Variants in ARFGEF3 observed in about 807,000 individuals in gnomAD.
ARFGEF3 encodes the protein brefeldin A-inhibited guanine nucleotide-exchange protein 3.
Under a neutral mutation model 221.7 loss-of-function variants are expected in ARFGEF3, and 96 were observed. The ratio of observed to expected loss-of-function variants is 0.43; its 90% CI spans 0.37 to 0.51. ARFGEF3 has a LOEUF of 0.51. ARFGEF3 is among the 20% of genes least tolerant of loss of function. The probability of loss-of-function intolerance (pLI) is 0.00; values close to 1 mark genes in which losing one functional copy is unlikely to be tolerated. For synonymous variants in ARFGEF3, 1,145 were observed against 1,126.8 expected, an observed-to-expected ratio of 1.02 and a Z score of -0.32; for missense variants, 2,410 against 2,789.9, an observed-to-expected ratio of 0.86 and a Z score of 3.07.
chr6:138,303,260 A>G (rs1035870890), intron 22 of ARFGEF3, among the ~76,000 whole-genome samples: 4 of 152,148 alleles, frequency 2.6e-5, no homozygotes, highest in South Asian at 2.1e-4. Context: ...AAAAATAAAC[A>G]TGAATGAAAG....
intron 5 of ARFGEF3, among the ~76,000 whole-genome samples, chr6:138,233,855 G>A (rs1778237713): frequency 6.6e-6 from 1 of 152,136 alleles, no homozygotes; most frequent in Admixed American, 6.5e-5. Flanking sequence ...ACTGGGAGGA[G>A]TAACCCCACC....
intron 2 of ARFGEF3, among the ~76,000 whole-genome samples, chr6:138,193,255 C>T (rs1251248921): frequency 1.3e-5 from 2 of 152,194 alleles, no homozygotes; most frequent in Non-Finnish European, 2.9e-5. Flanking sequence ...GACCAAGTTC[C>T]ATTGTCTCCT....
At chr6:138,319,343 C>T (rs1779982351) in intron 27 of ARFGEF3, among the ~76,000 whole-genome samples, 1 of 151,148 alleles carries the variant, frequency 6.6e-6, no homozygotes, top group African/African-American at 2.4e-5. Flanking sequence ...AAAATATTTC[C>T]CCATGTAGTT....
intron 15 of ARFGEF3, among the ~76,000 whole-genome samples, chr6:138,286,428 T>C (rs1393249474): frequency 2.2e-5 from 3 of 137,056 alleles, no homozygotes; most frequent in Non-Finnish European, 4.6e-5. Context: ...CCAGCCTGGG[T>C]GACAGAACGA....
At chr6:138,211,644 A>G (rs1369822286) in intron 4 of ARFGEF3, among the ~76,000 whole-genome samples, 1 of 152,228 alleles carries the variant, frequency 6.6e-6, no homozygotes, top group Non-Finnish European at 1.5e-5. Flanking sequence ...GTCAGATTAC[A>G]TATTATTCTG....
At chr6:138,322,256 T>C (rs1179918289) in intron 29 of ARFGEF3, among the ~76,000 whole-genome samples, 2 of 152,136 alleles carry the variant, frequency 1.3e-5, no homozygotes, top group African/African-American at 4.8e-5. Flanking sequence ...ATCTCCCCGT[T>C]CTCAGGCTTT....
intron 5 of ARFGEF3, among the ~76,000 whole-genome samples, chr6:138,234,973 T>A (rs957352523): frequency 6.6e-6 from 1 of 152,166 alleles, no homozygotes; most frequent in Non-Finnish European, 1.5e-5. Flanking sequence ...TATTGTGGCA[T>A]CTTCTTTAAT....
intron 5 of ARFGEF3, among the ~76,000 whole-genome samples, chr6:138,231,307 G>A (rs564790868): frequency 6.6e-6 from 1 of 152,164 alleles, no homozygotes; most frequent in African/African-American, 2.4e-5. Context: ...CCAAAATGAG[G>A]AAAGGAAAAA....
At chr6:138,179,954 T>G (rs1359954624) in intron 2 of ARFGEF3, among the ~76,000 whole-genome samples, 1 of 152,108 alleles carries the variant, frequency 6.6e-6, no homozygotes, top group African/African-American at 2.4e-5. Context: ...GGACTACAGG[T>G]GTATGGCACC....
intron 1 of ARFGEF3, among the ~76,000 whole-genome samples, chr6:138,170,053 A>C (rs904045022): frequency 6.6e-6 from 1 of 152,218 alleles, no homozygotes; most frequent in South Asian, 2.1e-4. Context: ...TGAGCTTTTC[A>C]TTATCTCTAA....
intron 2 of ARFGEF3, among the ~76,000 whole-genome samples, chr6:138,178,572 G>A (rs186354124): frequency 2.4e-4 from 36 of 152,090 alleles, no homozygotes; most frequent in African/African-American, 6.0e-4. Flanking sequence ...CATCAACCAC[G>A]TTGGCAGTTG....
intron 7 of ARFGEF3, among the ~76,000 whole-genome samples, chr6:138,244,343 A>C (rs922757311): frequency 6.6e-6 from 1 of 152,232 alleles, no homozygotes; most frequent in Non-Finnish European, 1.5e-5. Flanking sequence ...TACATTCATC[A>C]GATACTTAGA....
chr6:138,302,992 CT>C (rs1460360955), intron 22 of ARFGEF3, among the ~76,000 whole-genome samples: 1 of 152,110 alleles, frequency 6.6e-6, no homozygotes, highest in African/African-American at 2.4e-5. Context: ...GCATTTTTCC[CT>C]TTCTCCTAAT....
In ARFGEF3 at chr6:138,337,636, A is replaced by G. The variant is rs1780353608; in HGVS notation, c.*1150A>G. The stretch of plus-strand genomic sequence containing the variant: ...TGGAGAAAGACACTGAAATTTAGAA[A>G]ATTTTGTCGATTTAAAATATTTCTC... On this transcript the variant is annotated 3_prime_UTR_variant, in exon 34 of 34. Coordinates refer to ENST00000251691, the MANE Select transcript of ARFGEF3 (RefSeq NM_020340.5). 3 of 152,212 alleles carry G rather than the reference A, an allele frequency of 2.0e-5. No individual in the cohort carries two copies. The South Asian group carries it at 6.2e-4, about 32-fold the overall frequency. 9.4% of individuals were successfully genotyped at this position (152,212 alleles called of 1,614,324 possible).
At chr6:138,288,725 T>C (rs543330112) in intron 17 of ARFGEF3, among the ~76,000 whole-genome samples, 2 of 152,306 alleles carry the variant, frequency 1.3e-5, no homozygotes, top group Admixed American at 1.3e-4. Context: ...ATGAGACAAA[T>C]GATGTTTTGC....
At chr6:138,290,110 C>G in intron 18 of ARFGEF3, 142 bp downstream of exon 18, 1 of 799,368 alleles carries the variant, frequency 1.3e-6, no homozygotes, top group Non-Finnish European at 1.9e-6. Flanking sequence ...TTTGATTAAA[C>G]TTCAAATGAG....
chr6:138,330,438 G>C (rs756231843), intron 32 of ARFGEF3, among the ~76,000 whole-genome samples: 11 of 151,474 alleles, frequency 7.3e-5, no homozygotes, highest in Non-Finnish European at 1.5e-4. Flanking sequence ...AAGCCACCCA[G>C]TCTATGGTAT....
intron 4 of ARFGEF3, among the ~76,000 whole-genome samples, chr6:138,213,843 A>G (rs541055427): frequency 1.9e-4 from 29 of 152,254 alleles, no homozygotes; most frequent in Non-Finnish European, 3.5e-4. Flanking sequence ...CCAAGCTGCT[A>G]GAAAATTAAT....
chr6:138,220,079 C>T (rs908482828), intron 4 of ARFGEF3, among the ~76,000 whole-genome samples: 8 of 152,130 alleles, frequency 5.3e-5, no homozygotes, highest in African/African-American at 9.7e-5. Flanking sequence ...GATGCAATCA[C>T]GCAATCACAG....
Sources: allele counts gnomAD v4.1 joint callset (sites outside exome capture counted in the v4.1 genomes callset), GRCh38; gene constraint gnomAD v4.1.1; transcripts MANE v1.5; gene names NCBI Gene and HGNC (gene_info 2026-07-23, HGNC 2026-07-21).